Variants in CHST9 observed in about 807,000 individuals in gnomAD.
The protein encoded by CHST9 is carbohydrate sulfotransferase 9.
Under a neutral mutation model 44.4 loss-of-function variants are expected in CHST9, and 41 were observed. The observed-to-expected ratio is 0.92, with a 90% CI of 0.72 to 1.20. The LOEUF is 1.20. Among genes scored for constraint, CHST9 ranks in the 50% most tolerant of loss-of-function variants. The pLI, the probability that CHST9 is intolerant of heterozygous loss-of-function variation, is 0.00. For missense variants in CHST9, 504 were observed against 516.5 expected, an observed-to-expected ratio of 0.98 and a Z score of 0.23; for synonymous variants, 171 against 178.4, an observed-to-expected ratio of 0.96 and a Z score of 0.33.
chr18:27,105,242 A>C (rs1469082923), intron 2 of CHST9, among the ~76,000 whole-genome samples: 1 of 152,128 alleles, frequency 6.6e-6, no homozygotes, highest in Non-Finnish European at 1.5e-5. Flanking sequence ...AGAATTTACT[A>C]ATTTTGAATT....
intron 4 of CHST9, among the ~76,000 whole-genome samples, chr18:27,002,289 A>G (rs941888457): frequency 6.6e-6 from 1 of 151,280 alleles, no homozygotes; most frequent in Non-Finnish European, 1.5e-5. Flanking sequence ...TATTTCCTTT[A>G]TTGCATTATG....
At chr18:27,154,549 AG>A (rs1371211725) in intron 1 of CHST9, among the ~76,000 whole-genome samples, 2 of 152,182 alleles carry the variant, frequency 1.3e-5, no homozygotes, top group African/African-American at 4.8e-5. Context: ...CTGAAAATAA[AG>A]AAGACCACAG....
chr18:27,169,484 A>G (rs2143952654), intron 1 of CHST9, among the ~76,000 whole-genome samples: 1 of 152,302 alleles, frequency 6.6e-6, no homozygotes, highest in Non-Finnish European at 1.5e-5. Flanking sequence ...ATTTGATAGA[A>G]CATTCAGACA....
intron 3 of CHST9, among the ~76,000 whole-genome samples, chr18:27,039,953 G>A (rs1317517204): frequency 1.3e-5 from 2 of 152,110 alleles, no homozygotes; most frequent in Admixed American, 6.6e-5. Flanking sequence ...TTTGTCTCTG[G>A]ATATCAGTGA....
chr18:27,100,787 A>T (rs896649599), intron 2 of CHST9, among the ~76,000 whole-genome samples: 1 of 152,248 alleles, frequency 6.6e-6, no homozygotes, highest in South Asian at 2.1e-4. Context: ...AGTGGCCTCA[A>T]ATATGTTTGT....
intron 5 of CHST9, among the ~76,000 whole-genome samples, chr18:26,931,884 T>C (rs1291356194): frequency 6.6e-6 from 1 of 152,174 alleles, no homozygotes; most frequent in Non-Finnish European, 1.5e-5. Flanking sequence ...GGGCAATTAA[T>C]TGCTGGAGGT....
chr18:27,048,076 GC>G (rs2057525544), intron 3 of CHST9, among the ~76,000 whole-genome samples: 1 of 152,070 alleles, frequency 6.6e-6, no homozygotes, highest in Non-Finnish European at 1.5e-5. Context: ...GTCCTGAAAA[GC>G]ATCCACTACA....
intron 4 of CHST9, among the ~76,000 whole-genome samples, chr18:26,953,362 G>A (rs1457080695): frequency 1.3e-5 from 2 of 152,180 alleles, no homozygotes; most frequent in Non-Finnish European, 2.9e-5. Flanking sequence ...GCCCAGGCAG[G>A]TCTGGGTCAA....
intron 2 of CHST9, among the ~76,000 whole-genome samples, chr18:27,060,393 T>C (rs1320067737): frequency 6.6e-6 from 1 of 152,178 alleles, no homozygotes; most frequent in East Asian, 1.9e-4. Context: ...TTTATTAGTG[T>C]TCAGTGTGAA....
intron 2 of CHST9, among the ~76,000 whole-genome samples, chr18:27,049,753 T>C (rs1172301325): frequency 6.6e-6 from 1 of 152,130 alleles, no homozygotes; most frequent in Non-Finnish European, 1.5e-5. Flanking sequence ...TGCTCAGTCA[T>C]AAAGCAAGTC....
intron 1 of CHST9, among the ~76,000 whole-genome samples, chr18:27,160,476 G>T (rs1198421223): frequency 6.6e-6 from 1 of 152,202 alleles, no homozygotes; most frequent in Non-Finnish European, 1.5e-5. Flanking sequence ...GATCATGGTG[G>T]ATAAGCTTCT....
At chr18:27,052,873 G>A (rs917716479) in intron 2 of CHST9, among the ~76,000 whole-genome samples, 7 of 151,878 alleles carry the variant, frequency 4.6e-5, no homozygotes, top group Non-Finnish European at 8.8e-5. Flanking sequence ...GTTGAACAAT[G>A]AGAACACAAG....
intron 4 of CHST9, among the ~76,000 whole-genome samples, chr18:27,001,665 A>C (rs1429076854): frequency 7.0e-6 from 1 of 143,574 alleles, no homozygotes; most frequent in South Asian, 2.4e-4. Flanking sequence ...TTTGCTGGGC[A>C]CACCCTTCCT....
intron 5 of CHST9, among the ~76,000 whole-genome samples, chr18:26,942,068 C>CT (rs71169898): frequency 0.2 from 29,614 of 149,112 alleles, 2,993 homozygotes; most frequent in African/African-American, 0.24. Flanking sequence ...TCCATTTTGC[C>CT]TTTTTTTTTT....
At chr18:27,073,693 G>A (rs892809787) in intron 2 of CHST9, among the ~76,000 whole-genome samples, 3 of 151,924 alleles carry the variant, frequency 2.0e-5, no homozygotes, top group Non-Finnish European at 2.9e-5. Flanking sequence ...GTATTCAGTA[G>A]CCACTCCTGC....
At position 26,916,510 on chromosome 18, in the gene CHST9, AACAC is replaced by A. The variant is rs1199284574; in HGVS notation, c.1077_1080del (p.Cys360Ter). On this transcript the variant is annotated frameshift_variant, in exon 6 of 6. Transcript: ENST00000618847. LOFTEE classifies it high-confidence loss of function. Reference sequence around the variant, plus strand: ...TTCCCTACAAAATCATAGTTGATCAAACACGGATAGCAGAGTTTGCTGACCTTTT... The same window carrying A: ...TTCCCTACAAAATCATAGTTGATCAAGGATAGCAGAGTTTGCTGACCTTTT... 5 of 1,613,750 alleles carry A rather than the reference AACAC, an allele frequency of 3.1e-6. No individual in the cohort carries two copies. Among genetic ancestry groups the A allele is most frequent in the Non-Finnish European group, 4.2e-6 (5 of 1,179,786 alleles).
intron 4 of CHST9, among the ~76,000 whole-genome samples, chr18:26,969,294 G>T (rs554808797): frequency 3.4e-4 from 52 of 152,082 alleles, no homozygotes; most frequent in African/African-American, 1.2e-3. Flanking sequence ...GAGCCACCGC[G>T]CCTGGCCACG....
chr18:26,997,478 CA>C (rs1378161016), intron 4 of CHST9, among the ~76,000 whole-genome samples: 6 of 152,126 alleles, frequency 3.9e-5, no homozygotes, highest in Non-Finnish European at 8.8e-5. Flanking sequence ...GAGGAGAAAC[CA>C]CTATGTAGTG....
intron 3 of CHST9, among the ~76,000 whole-genome samples, chr18:27,044,581 A>G (rs1413875817): frequency 6.6e-6 from 1 of 151,358 alleles, no homozygotes; most frequent in Non-Finnish European, 1.5e-5. Flanking sequence ...TATTTGTCAC[A>G]ATGTCTTCTA....
Sources: allele counts gnomAD v4.1 joint callset (sites outside exome capture counted in the v4.1 genomes callset), GRCh38; gene constraint gnomAD v4.1.1; transcripts MANE v1.5; gene names NCBI Gene and HGNC (gene_info 2026-07-23, HGNC 2026-07-21).